Variants in KCTD15 observed in about 807,000 individuals in gnomAD.
KCTD15 encodes the protein potassium channel tetramerization domain containing 15, also known as BTB/POZ domain-containing protein KCTD15.
KCTD15 carries 11 observed loss-of-function variants against 27.2 expected under a neutral mutation model. That is an observed-to-expected ratio of 0.41 (90% CI 0.25 to 0.67). KCTD15 has a LOEUF of 0.67. KCTD15 is among the 30% of genes least tolerant of loss of function. The probability of loss-of-function intolerance (pLI) is 0.35; values close to 1 mark genes in which losing one functional copy is unlikely to be tolerated. For synonymous variants in KCTD15, 163 were observed against 176.0 expected, an observed-to-expected ratio of 0.93 and a Z score of 0.58; for missense variants, 350 against 409.3, an observed-to-expected ratio of 0.86 and a Z score of 1.25.
rs1022696819 is a variant in KCTD15 at position 33,813,658 on chromosome 19, G to A, written c.*710G>A. On this transcript the variant is annotated 3_prime_UTR_variant, in exon 7 of 7. Transcript: ENST00000683859. ...GTTGGGGGCTCAGGCTGCACTCCCCGGGTCACCTGACCTGCTGCCCAGGGG... is the reference window on the plus strand; with the variant it reads ...GTTGGGGGCTCAGGCTGCACTCCCCAGGTCACCTGACCTGCTGCCCAGGGG... The A allele has an allele frequency of 9.4e-5, 29 of 310,158 alleles. No individual in the cohort carries two copies. The highest frequency in any genetic ancestry group is 1.6e-4 in the Non-Finnish European group (25 of 157,862). 19.2% of individuals were successfully genotyped at this position (310,158 alleles called of 1,614,324 possible).
chr19:33,810,541 G>A (rs1230115506), intron 5 of KCTD15, among the ~76,000 whole-genome samples: 1 of 152,044 alleles, frequency 6.6e-6, no homozygotes, highest in Non-Finnish European at 1.5e-5. Flanking sequence ...TTAGCCGGGT[G>A]TGGTGGCAGG....
At chr19:33,812,712 G>A in intron 6 of KCTD15, 78 bp from the exon 7 acceptor site, 4 of 1,397,330 alleles carry the variant, frequency 2.9e-6, no homozygotes, top group Non-Finnish European at 3.7e-6. Context: ...GCCCCAGCAG[G>A]CACCCACCTC....
chr19:33,812,128 G>T, intron 6 of KCTD15: 7 of 1,267,946 alleles, frequency 5.5e-6, no homozygotes, highest in Non-Finnish European at 6.9e-6. Flanking sequence ...AGGGAAGAGG[G>T]CCCCCTGTGC....
At chr19:33,812,529 G>T (rs971543607) in intron 6 of KCTD15, 93 of 1,246,728 alleles carry the variant, frequency 7.5e-5, no homozygotes, top group Admixed American at 1.7e-4. Context: ...GGCCCTGAGG[G>T]CAGCAGGATG....
At chr19:33,808,782 G>C (rs192781490) in intron 5 of KCTD15, among the ~76,000 whole-genome samples, 50 of 152,240 alleles carry the variant, frequency 3.3e-4, no homozygotes, top group African/African-American at 1.2e-3. Flanking sequence ...AGGGAGGCTG[G>C]GTGGAGGCTT....
rs549073316 is a variant in KCTD15 at position 33,815,718 on chromosome 19, G to C, written c.*2770G>C. The stretch of plus-strand genomic sequence containing the variant: ...TTTTTTTTTTTTTTTTAAAGCTACT[G>C]CTTGACTGTTCCTTAGAATAAATAA... On this transcript the variant is annotated 3_prime_UTR_variant, in exon 7 of 7. Transcript: ENST00000683859. 4.1e-5 allele frequency: 6 copies of C among 146,950 alleles called. No individual in the cohort carries two copies. The highest frequency in any genetic ancestry group is 7.4e-5 in the Non-Finnish European group (5 of 67,250). 9.1% of individuals were successfully genotyped at this position (146,950 alleles called of 1,614,324 possible).
intron 6 of KCTD15, 132 bp from the exon 7 acceptor site, chr19:33,812,654 CAGTG>C: frequency 1.5e-6 from 2 of 1,360,838 alleles, no homozygotes; most frequent in African/African-American, 1.5e-5. Flanking sequence ...GGACCTTTGT[CAGTG>C]AGCAAGACTG....
chr19:33,804,014 C>G (rs1439386705), intron 4 of KCTD15, among the ~76,000 whole-genome samples: 2 of 151,258 alleles, frequency 1.3e-5, no homozygotes, highest in Non-Finnish European at 2.9e-5. Flanking sequence ...GCCCCTCAAA[C>G]CCTGCATCCT....
intron 1 of KCTD15, among the ~76,000 whole-genome samples, chr19:33,797,694 C>T (rs1036205669): frequency 4.7e-5 from 4 of 85,498 alleles, no homozygotes; most frequent in African/African-American, 1.1e-4. Context: ...TCTGCAGCGC[C>T]TTTCTGTCTT....
In KCTD15 at chr19:33,811,173, C is replaced by T. The variant is rs1975891424; in HGVS notation, c.388-74C>T. The T allele has an allele frequency of 8.4e-6, 9 of 1,071,634 alleles. No homozygotes were observed. The South Asian group carries it at 1.3e-4, about 15-fold the overall frequency. The allele number at this position is 1,071,634 out of a possible 1,614,324, so 66.4% of individuals were successfully genotyped here. A position where few individuals can be genotyped will look rare whatever the true frequency, so the allele number is the denominator to read the frequency against. On this transcript the variant is annotated intron_variant, in intron 5 of 6. Transcript: ENST00000683859. ...GCAGAATTGGTTGGAACCGGCAGGCCGCCTCCCCTCTCCCCCTTCCCCCAC... is the reference window on the plus strand; with the variant it reads ...GCAGAATTGGTTGGAACCGGCAGGCTGCCTCCCCTCTCCCCCTTCCCCCAC...
chr19:33,801,106 G>A, intron 3 of KCTD15, 61 bp from the exon 4 acceptor site: 2 of 1,483,366 alleles, frequency 1.3e-6, no homozygotes, highest in Non-Finnish European at 1.8e-6. Flanking sequence ...TGGCTGTGTT[G>A]TGGAGAAACT....
At position 33,801,238 on chromosome 19, in the gene KCTD15, C is replaced by T. The variant is rs1975532621; in HGVS notation, c.138C>T (p.Pro46=). ...CTCCCCTGGCTGCCCAGGGCATCCC[C>T]CTGCCAGCCCAGCTCACCAAGTCCA... ...PVSPLAAQGI[P]LPAQLTKSNA... The change falls in exon 4 of 7, where the codon CCC becomes CCT. Residue 46 remains proline, a synonymous_variant. Coordinates refer to ENST00000683859, the MANE Select transcript of KCTD15 (RefSeq NM_001129994.2). 1 of 1,613,528 alleles carries T rather than the reference C, an allele frequency of 6.2e-7. No individual in the cohort carries two copies. The highest frequency in any genetic ancestry group is 1.7e-5 in the Admixed American group (1 of 59,962).
intron 1 of KCTD15, 200 bp from the exon 2 acceptor site, chr19:33,798,456 GCGGGCAGGGACC>G (rs1975426953): frequency 6.6e-6 from 1 of 151,918 alleles, no homozygotes; most frequent in Admixed American, 6.5e-5. Context: ...TCGGCGGCGG[GCGGGCAGGGACC>G]CGGGTCTCCC....
intron 6 of KCTD15, chr19:33,811,916 GGT>G: frequency 6.4e-7 from 1 of 1,562,380 alleles, no homozygotes. Flanking sequence ...TGAGTGGAAA[GGT>G]GGTCTGGAGC....
At chr19:33,812,465 C>A in intron 6 of KCTD15, 1 of 1,137,802 alleles carries the variant, frequency 8.8e-7, no homozygotes, top group Non-Finnish European at 1.1e-6. Flanking sequence ...GCATAGGTTA[C>A]ACCCTACAGA....
At chr19:33,802,968 C>T (rs1975605374) in intron 4 of KCTD15, among the ~76,000 whole-genome samples, 1 of 151,990 alleles carries the variant, frequency 6.6e-6, no homozygotes, top group Non-Finnish European at 1.5e-5. Flanking sequence ...GGCCATCTCC[C>T]CCCACCCAGC....
Position 33,811,453 on chromosome 19 carries a change from A to G in KCTD15, c.594A>G (p.Gly198=), listed in dbSNP as rs1043192553. 1 of 1,612,886 alleles carries G rather than the reference A, an allele frequency of 6.2e-7. No individual in the cohort carries two copies. The stretch of plus-strand genomic sequence containing the variant: ...TCGAGGAGGTCTTCCCCGAGACCGG[A>G]GACGTCATGTGCAACTCCGTCAACG... The part of the protein sequence containing the change: ...ALIEEVFPET[G]DVMCNSVNAG... Residue 198 remains glycine, a synonymous_variant, in exon 6 of 7, where the codon GGA becomes GGG. Transcript: ENST00000683859.
chr19:33,805,543 G>A (rs1009493530), intron 4 of KCTD15, among the ~76,000 whole-genome samples: 8 of 152,200 alleles, frequency 5.3e-5, no homozygotes, highest in African/African-American at 1.7e-4. Flanking sequence ...AGAGAGTGAG[G>A]GGCTTAGGCT....
At chr19:33,807,913 T>G (rs527919561) in intron 5 of KCTD15, among the ~76,000 whole-genome samples, 43 of 150,856 alleles carry the variant, frequency 2.9e-4, no homozygotes, top group African/African-American at 1.0e-3. Context: ...GTCACTGCAC[T>G]CCAGCCTGGA....
Sources: gnomAD v4.1 joint callset for allele counts (sites outside exome capture counted in the v4.1 genomes callset) on GRCh38, gnomAD v4.1.1 for gene constraint, MANE v1.5 for transcripts, NCBI Gene and HGNC (gene_info 2026-07-23, HGNC 2026-07-21) for gene names.